Variants in GGA2 observed in about 807,000 individuals in gnomAD.
GGA2 encodes golgi associated, gamma adaptin ear containing, ARF binding protein 2, also known as ADP-ribosylation factor-binding protein GGA2.
In GGA2, 48 loss-of-function variants were observed where a neutral mutation model predicts 79.5. The ratio of observed to expected loss-of-function variants is 0.60; its 90% CI spans 0.48 to 0.77. The LOEUF is 0.77. GGA2 is among the 30% of genes least tolerant of loss of function. The pLI is 0.00. For synonymous variants in GGA2, 317 were observed against 302.0 expected, an observed-to-expected ratio of 1.05 and a Z score of -0.51; for missense variants, 770 against 774.0, an observed-to-expected ratio of 0.99 and a Z score of 0.06.
chr16:23,517,260 C>T lies in GGA2; in HGVS notation c.61+2327G>A, dbSNP rs1485267591. On this transcript the variant is annotated intron_variant, in intron 2 of 5. Transcript: ENST00000569300. ...TTTTTTTTTTTTTGAGACGGAGTCT[C>T]GCTCTGTCGCCCAGGCTGGAGTGCA... is the stretch of plus-strand genomic sequence containing the variant. Among the ~76,000 whole-genome samples, 10 of 38,894 alleles carry T rather than the reference C, an allele frequency of 2.6e-4. 5 individuals carry two copies. Among genetic ancestry groups the T allele is most frequent in the Non-Finnish European group, 5.9e-4 (10 of 16,932 alleles). 25.5% of individuals were successfully genotyped at this position (38,894 alleles called of 152,430 possible).
intron 14 of GGA2, among the ~76,000 whole-genome samples, chr16:23,474,663 G>T (rs1156425049): frequency 6.6e-6 from 1 of 151,802 alleles, no homozygotes; most frequent in East Asian, 1.9e-4. Context: ...TGTCGCCCAG[G>T]CTGGTCTCAA....
In GGA2 at chr16:23,470,113, G is replaced by T. The variant is rs775368972; in HGVS notation, c.1503C>A (p.Leu501=). The T allele has an allele frequency of 1.2e-6, 2 of 1,610,488 alleles. No individual in the cohort carries two copies. Among genetic ancestry groups the T allele is most frequent in the South Asian group, 2.2e-5 (2 of 89,930 alleles). ...VYDRNGFRIL[L]HFSQTGAPGH... ...CAGGGGCTCCCGTCTGGGAGAAGTG[G>T]AGCAGAATTCTGAATCCATTCCGGT... Residue 501 remains leucine, a synonymous_variant, in exon 15 of 17, where the codon CTC becomes CTA. Coordinates refer to ENST00000309859, the MANE Select transcript of GGA2 (RefSeq NM_015044.4).
At chr16:23,496,302 C>CAAAA (rs754859869) in intron 1 of GGA2, among the ~76,000 whole-genome samples, 1 of 35,828 alleles carries the variant, frequency 2.8e-5, no homozygotes, top group Non-Finnish European at 6.1e-5. Flanking sequence ...GACTCTGTCT[C>CAAAA]AAAAAAAAAA....
rs1301373784 is a variant in GGA2 at position 23,482,993 on chromosome 16, C to T, written c.810G>A (p.Glu270=). 3.7e-6 allele frequency: 6 copies of T among 1,610,238 alleles called. No homozygotes were observed. In the African/African-American group the frequency reaches 6.7e-5, roughly 18 times the overall value. ...PDQEALQVVY[E]RCEKLRPTLF... is the part of the protein sequence containing the mutation. ...GCGTGGGCCGCAGCTTTTCACACCT[C>T]TCATACACGACCTGAAAGAGCAGAG... Residue 270 remains glutamate, a synonymous_variant, in exon 9 of 17, where the codon GAG becomes GAA. Coordinates refer to ENST00000309859, the MANE Select transcript of GGA2 (RefSeq NM_015044.4).
At chr16:23,484,342 C>T (rs185118863) in intron 8 of GGA2, among the ~76,000 whole-genome samples, 8 of 152,178 alleles carry the variant, frequency 5.3e-5, no homozygotes, top group Admixed American at 6.5e-5. Context: ...CGCTCGAACC[C>T]GGGAGGCAGA....
chr16:23,512,166 G>A (rs370216768), upstream of GGA2, among the ~76,000 whole-genome samples: 216 of 152,336 alleles, frequency 1.4e-3, 10 homozygotes, highest in South Asian at 0.041. Context: ...CAGGTTTACT[G>A]AGGGGACTTA....
At position 23,488,631 on chromosome 16, in the gene GGA2, A is replaced by G. The variant is rs1252603108; in HGVS notation, c.554T>C (p.Phe185Ser). 1 of 1,606,864 alleles carries G rather than the reference A, an allele frequency of 6.2e-7. No homozygotes were observed. The highest frequency in any genetic ancestry group is 1.1e-5 in the South Asian group (1 of 90,934). Residue 185 changes from phenylalanine (F) to serine (S), a missense_variant, in exon 6 of 17, where the codon TTT (phenylalanine) becomes TCT (serine). Phe to Ser is a radical substitution (Grantham distance 155). Coordinates refer to ENST00000309859, the MANE Select transcript of GGA2 (RefSeq NM_015044.4). ...PPSPWPKSSI[F>S]DADEEKSKLL... is the part of the protein sequence containing the mutation. Reference sequence around the variant, plus strand: ...CTTGGACTTTTCTTCATCAGCATCAAAGATGGAGCTCTTGGGCCAGGGAGA... The same window carrying G: ...CTTGGACTTTTCTTCATCAGCATCAGAGATGGAGCTCTTGGGCCAGGGAGA...
chr16:23,484,753 A>G (rs1008437817), intron 8 of GGA2, among the ~76,000 whole-genome samples: 1 of 152,232 alleles, frequency 6.6e-6, no homozygotes, highest in African/African-American at 2.4e-5. Flanking sequence ...GAGCCAATAC[A>G]TTGCTGCTGG....
At chr16:23,514,449 G>C (rs188758242), upstream of GGA2, among the ~76,000 whole-genome samples, 18 of 151,660 alleles carry the variant, frequency 1.2e-4, no homozygotes, top group Non-Finnish European at 2.1e-4. Context: ...CTTTTCTCTT[G>C]TTAGCCTTTT....
upstream of GGA2, chr16:23,522,979 C>T (rs1464115198): frequency 6.6e-6 from 1 of 152,196 alleles, no homozygotes; most frequent in Non-Finnish European, 1.5e-5. Context: ...ATTTTCATGA[C>T]CTGGAAGCTG....
chr16:23,486,175 G>A, intron 7 of GGA2, 23 bp from the exon 8 acceptor site: 1 of 1,611,458 alleles, frequency 6.2e-7, no homozygotes, highest in Non-Finnish European at 8.5e-7. Flanking sequence ...AGAGGAGGAT[G>A]GGAGTGAGGG....
At chr16:23,477,274 A>G (rs940376936) in intron 13 of GGA2, among the ~76,000 whole-genome samples, 2 of 152,168 alleles carry the variant, frequency 1.3e-5, no homozygotes, top group African/African-American at 4.8e-5. Context: ...CTCATCTTGA[A>G]TTGTAGCACC....
At chr16:23,509,424 C>G (rs1056317422) in intron 1 of GGA2, among the ~76,000 whole-genome samples, 1 of 152,134 alleles carries the variant, frequency 6.6e-6, no homozygotes, top group African/African-American at 2.4e-5. Context: ...ACAGGTGAAA[C>G]GAACGCCCTC....
chr16:23,466,664 TGTCTATCTGTA>T lies in GGA2; in HGVS notation c.*915_*925del, dbSNP rs1426783722. 1 of 146,534 alleles carries T rather than the reference TGTCTATCTGTA, an allele frequency of 6.8e-6. No homozygotes were observed. The highest frequency in any genetic ancestry group is 1.5e-5 in the Non-Finnish European group (1 of 66,272). 9.1% of individuals were successfully genotyped at this position (146,534 alleles called of 1,614,324 possible). On this transcript the variant is annotated 3_prime_UTR_variant, in exon 17 of 17. Coordinates refer to ENST00000309859, the MANE Select transcript of GGA2 (RefSeq NM_015044.4). ...CTCAATCACTGCTAAGCTCTCTTCA[TGTCTATCTGTA>T]CCACAGTTTCCCATCTTAGACTGTG... is the stretch of plus-strand genomic sequence containing the variant.
intron 8 of GGA2, among the ~76,000 whole-genome samples, chr16:23,483,890 G>A (rs1423876764): frequency 4.0e-5 from 6 of 150,398 alleles, no homozygotes; most frequent in Non-Finnish European, 5.9e-5. Flanking sequence ...CAGGTCATCC[G>A]CCTGCCTCGG....
At chr16:23,521,250 T>C (rs1039948247) in intron 1 of GGA2, among the ~76,000 whole-genome samples, 27 of 152,180 alleles carry the variant, frequency 1.8e-4, no homozygotes, top group African/African-American at 6.5e-4. Context: ...CTTGCAAAAC[T>C]GAAACTCTAT....
chr16:23,503,186 A>C (rs928864797), intron 1 of GGA2, among the ~76,000 whole-genome samples: 6 of 152,230 alleles, frequency 3.9e-5, no homozygotes, highest in African/African-American at 1.4e-4. Context: ...GGTTTGGAAT[A>C]TCCCACTGTC....
chr16:23,500,873 G>T, intron 1 of GGA2: 1 of 187,630 alleles, frequency 5.3e-6, no homozygotes, highest in Non-Finnish European at 1.1e-5. Context: ...CTTTTTTTGA[G>T]AAAATATCAA....
Position 23,480,677 on chromosome 16 carries a change from G to A in GGA2, c.974C>T (p.Thr325Ile). Residue 325 changes from threonine to isoleucine, a missense_variant, in exon 10 of 17, where the codon ACC (threonine) becomes ATC (isoleucine). Transcript: ENST00000309859. ...EGRVTFGNRVTSSLGDIPVSR... is the reference protein window; with the variant it reads ...EGRVTFGNRVISSLGDIPVSR... ...GACAGGGATGTCTCCCAATGAGCTG[G>A]TCACTCTGTTTCCAAAGGTGACCCG... is the stretch of plus-strand genomic sequence containing the variant. 1 of 1,613,604 alleles carries A rather than the reference G, an allele frequency of 6.2e-7. No homozygotes were observed. Among genetic ancestry groups the A allele is most frequent in the Non-Finnish European group, 8.5e-7 (1 of 1,179,512 alleles).
Sources: gnomAD v4.1 joint callset for allele counts (sites outside exome capture counted in the v4.1 genomes callset) on GRCh38, gnomAD v4.1.1 for gene constraint, MANE v1.5 for transcripts, NCBI Gene and HGNC (gene_info 2026-07-23, HGNC 2026-07-21) for gene names.